TRIM35: variants seen among roughly 807,000 people sequenced by gnomAD.
The protein encoded by TRIM35 is tripartite motif containing 35.
A neutral mutation model predicts 49.1 loss-of-function variants in TRIM35; 37 were observed. That is an observed-to-expected ratio of 0.75 (90% CI 0.58 to 0.99). The LOEUF (loss-of-function observed/expected upper bound fraction) is 0.99, where lower values mean the gene tolerates loss of function less well. Ranked by LOEUF, TRIM35 falls within the 50% of genes least tolerant of loss-of-function variation. TRIM35 has a pLI of 0.00. For synonymous variants in TRIM35, 302 were observed against 289.3 expected (o/e 1.04, Z -0.45); for missense variants, 648 against 702.7 (o/e 0.92, Z 0.88).
intron 3 of TRIM35, among the ~76,000 whole-genome samples, chr8:27,290,660 G>T (rs1217003934): frequency 6.6e-6 from 1 of 152,154 alleles, no homozygotes; most frequent in Non-Finnish European, 1.5e-5. Flanking sequence ...GTGATATTCT[G>T]TCATAGCAAC....
chr8:27,307,978 T>C (rs1802821555), intron 1 of TRIM35, among the ~76,000 whole-genome samples: 3 of 152,276 alleles, frequency 2.0e-5, no homozygotes, highest in Admixed American at 6.5e-5. Context: ...GTGGGCCCAA[T>C]GTCATCACAG....
chr8:27,303,078 T>C (rs1802711598), intron 1 of TRIM35, among the ~76,000 whole-genome samples: 1 of 152,220 alleles, frequency 6.6e-6, no homozygotes, highest in African/African-American at 2.4e-5. Context: ...TTGCTAGATA[T>C]ACTTAATCAA....
intron 2 of TRIM35, among the ~76,000 whole-genome samples, 153 bp from the exon 3 acceptor site, chr8:27,294,463 A>C (rs1802525900): frequency 6.6e-6 from 1 of 152,268 alleles, no homozygotes; most frequent in African/African-American, 2.4e-5. Context: ...GTTTATAAGC[A>C]CAAATTTCTA....
intron 1 of TRIM35, among the ~76,000 whole-genome samples, chr8:27,302,971 A>G (rs942933807): frequency 6.6e-6 from 1 of 152,216 alleles, no homozygotes; most frequent in African/African-American, 2.4e-5. Context: ...AAAACTGAAT[A>G]GAGTTGGTCA....
chr8:27,288,174 T>C (rs1463702436), intron 5 of TRIM35, 47 bp from the exon 6 acceptor site: 1 of 1,537,972 alleles, frequency 6.5e-7, no homozygotes, highest in Non-Finnish European at 8.8e-7. Flanking sequence ...TGAGGTCCCT[T>C]AGGCCACACG....
At position 27,285,684 on chromosome 8, in the gene TRIM35, A is replaced by AC. The variant is rs1399878880; in HGVS notation, c.*1865_*1866insG. 2 of 151,826 alleles carry AC rather than the reference A, an allele frequency of 1.3e-5. No homozygotes were observed. Among genetic ancestry groups the AC allele is most frequent in the African/African-American group, 4.8e-5 (2 of 41,354 alleles). The allele number at this position is 151,826 out of a possible 1,614,324, so 9.4% of individuals were successfully genotyped here. On this transcript the variant is annotated 3_prime_UTR_variant, in exon 6 of 6. Transcript: ENST00000305364. ...ATCCTGTTAAAAAAAAAAAAAAAAAAAAAACTCTTCCCATATCTAAGGTGA... is the reference window on the plus strand; with the variant it reads ...ATCCTGTTAAAAAAAAAAAAAAAAAACAAAACTCTTCCCATATCTAAGGTGA...
In TRIM35 at chr8:27,311,227, C is replaced by A; in HGVS notation, c.9G>T (p.Arg3=). The A allele has an allele frequency of 6.5e-7, 1 of 1,547,832 alleles. No homozygotes were observed. The highest frequency in any genetic ancestry group is 8.7e-7 in the Non-Finnish European group (1 of 1,144,188). The change falls in exon 1 of 6, where the codon CGG becomes CGT. Residue 3 remains arginine, a synonymous_variant. Transcript: ENST00000305364. Reference sequence around the variant, plus strand: ...AAGGCCCGGGGGACACGTCGGGACTCCGCTCCATGGCACGAGCAGCCGGCT... The same window carrying A: ...AAGGCCCGGGGGACACGTCGGGACTACGCTCCATGGCACGAGCAGCCGGCT... ME[R]SPDVSPGPSR...
chr8:27,287,781 C>T lies in TRIM35; in HGVS notation c.1251G>A (p.Thr417=), dbSNP rs1358355558. 4.3e-6 allele frequency: 7 copies of T among 1,610,028 alleles called. No homozygotes were observed. In the South Asian group the frequency reaches 5.5e-5, roughly 13 times the overall value. ...GDHCVTSDPA[T]SPLVLAIPRR... ...GTGGGATGGCCAGGACCAGGGGCGA[C>T]GTGGCTGGGTCCGAGGTCACGCAGT... The change falls in exon 6 of 6, where the codon ACG becomes ACA. Residue 417 remains threonine (T), a synonymous_variant. Coordinates refer to ENST00000305364, the MANE Select transcript of TRIM35 (RefSeq NM_171982.5). The surrounding 1 kb of genome is among the most constrained non-coding windows in gnomAD (Gnocchi z 6.0).
Position 27,287,814 on chromosome 8 carries a change from C to A in TRIM35, c.1218G>T (p.Glu406Asp). ...GGTCCGAGGTCACGCAGTGGTCCCC[C>A]TCCACGCCCTGCGTGCGGCAGACAT... is the stretch of plus-strand genomic sequence containing the variant. ...FWYVCRTQGV[E>D]GDHCVTSDPA... The change falls in exon 6 of 6, where the codon GAG (glutamate) becomes GAT (aspartate). Residue 406 changes from glutamate (E) to aspartate (D), a missense_variant. Transcript: ENST00000305364. This position sits in a 1 kb window ranked among gnomAD's most constrained non-coding sequence, Gnocchi z 6.0. The A allele has an allele frequency of 6.2e-7, 1 of 1,611,424 alleles. No individual in the cohort carries two copies.
intron 1 of TRIM35, among the ~76,000 whole-genome samples, chr8:27,306,692 G>A (rs1056904455): frequency 1.3e-5 from 2 of 152,182 alleles, no homozygotes; most frequent in African/African-American, 4.8e-5. Flanking sequence ...TCCTGATAAG[G>A]AAAGAAGAGA....
chr8:27,288,761 C>T (rs1802391455), intron 5 of TRIM35, among the ~76,000 whole-genome samples: 1 of 152,204 alleles, frequency 6.6e-6, no homozygotes, highest in South Asian at 2.1e-4. Context: ...ACGGCCCATT[C>T]CCTGAGTCAG....
intron 1 of TRIM35, among the ~76,000 whole-genome samples, chr8:27,306,228 A>G (rs1802781342): frequency 6.6e-6 from 1 of 152,112 alleles, no homozygotes; most frequent in African/African-American, 2.4e-5. Flanking sequence ...ACCTAAACCA[A>G]ACCTAAGACA....
intron 1 of TRIM35, among the ~76,000 whole-genome samples, chr8:27,298,988 A>T (rs554766821): frequency 6.6e-6 from 1 of 152,238 alleles, no homozygotes; most frequent in African/African-American, 2.4e-5. Flanking sequence ...ATGGGTCTGC[A>T]ATCTCTAATG....
chr8:27,294,692 T>C (rs1802530944), intron 2 of TRIM35, among the ~76,000 whole-genome samples: 1 of 152,230 alleles, frequency 6.6e-6, no homozygotes, highest in South Asian at 2.1e-4. Context: ...TTTTAAGTAT[T>C]TACCTTCCAA....
chr8:27,288,626 T>A (rs1390977570), intron 5 of TRIM35, among the ~76,000 whole-genome samples: 1 of 152,156 alleles, frequency 6.6e-6, no homozygotes, highest in East Asian at 1.9e-4. Context: ...ATTTCTACCC[T>A]CCAGAACTGT....
rs993694074 is a variant in TRIM35, at chr8:27,286,371, C to T, written c.*1179G>A. ...CAGCCTCCTCTTCCCTCTCCCACAG[C>T]GTTTAGGGCCACGTCCATGGCGCCA... On this transcript the variant is annotated 3_prime_UTR_variant, in exon 6 of 6. Coordinates refer to ENST00000305364, the MANE Select transcript of TRIM35 (RefSeq NM_171982.5). 11 of 344,662 alleles carry T rather than the reference C, an allele frequency of 3.2e-5. No homozygotes were observed. Among genetic ancestry groups the T allele is most frequent in the South Asian group, 4.5e-5 (2 of 44,460 alleles). 21.4% of individuals were successfully genotyped at this position (344,662 alleles called of 1,614,324 possible). A position where few individuals can be genotyped will look rare whatever the true frequency, so the allele number is the denominator to read the frequency against.
rs1420945689 is a variant in TRIM35, at chr8:27,298,533, T to C, written c.462A>G (p.Ala154=). The stretch of plus-strand genomic sequence containing the variant: ...AGAAGGCCTTGGCCTTCTCCCGCAG[T>C]GCATGCTCCATGTTCCTGCACTTGG... The part of the protein sequence containing the change: ...FRAKCRNMEH[A]LREKAKAFWA... The change falls in exon 2 of 6, where the codon GCA becomes GCG. Residue 154 remains alanine (A), a synonymous_variant. Coordinates refer to ENST00000305364, the MANE Select transcript of TRIM35 (RefSeq NM_171982.5). 5 of 1,614,226 alleles carry C rather than the reference T, an allele frequency of 3.1e-6. No individual in the cohort carries two copies. The highest frequency in any genetic ancestry group is 4.2e-6 in the Non-Finnish European group (5 of 1,180,034).
chr8:27,294,660 G>C (rs181631775), intron 2 of TRIM35, among the ~76,000 whole-genome samples: 2 of 152,218 alleles, frequency 1.3e-5, no homozygotes, highest in Non-Finnish European at 1.5e-5. Flanking sequence ...GAAATGAATG[G>C]CTGCGAATAG....
At chr8:27,305,571 C>G (rs987107666) in intron 1 of TRIM35, among the ~76,000 whole-genome samples, 14 of 152,334 alleles carry the variant, frequency 9.2e-5, no homozygotes, top group African/African-American at 3.4e-4. Context: ...GGGGGAAGAC[C>G]TGGAATGTGG....
Sources: allele counts gnomAD v4.1 joint callset (sites outside exome capture counted in the v4.1 genomes callset), GRCh38; gene constraint gnomAD v4.1.1; non-coding constraint Gnocchi (gnomAD v3.1); transcripts MANE v1.5; gene names NCBI Gene and HGNC (gene_info 2026-07-23, HGNC 2026-07-21).